The following AHSG variants were observed in gnomAD, a reference collection of about 807,000 sequenced individuals.
The protein encoded by AHSG is alpha 2-HS glycoprotein.
A neutral mutation model predicts 30.1 loss-of-function variants in AHSG; 23 were observed. The observed-to-expected ratio is 0.76, with a 90% confidence interval of 0.55 to 1.08. The LOEUF (loss-of-function observed/expected upper bound fraction) is 1.08, where lower values mean the gene tolerates loss of function less well. Ranked by LOEUF, AHSG falls within the 50% of genes least tolerant of loss-of-function variation. The pLI is 0.00. For missense variants in AHSG, 469 were observed against 459.5 expected, an observed-to-expected ratio of 1.02 and a Z score of -0.19; for synonymous variants, 164 against 186.3, an observed-to-expected ratio of 0.88 and a Z score of 0.98.
chr3:186,619,299 G>GA (rs1307649296), intron 5 of AHSG, among the ~76,000 whole-genome samples: 1 of 151,164 alleles, frequency 6.6e-6, no homozygotes, highest in Non-Finnish European at 1.5e-5. Flanking sequence ...TCTGTCTCAA[G>GA]AAAAAAAGAA....
rs753599978 is a variant in AHSG at position 186,615,769 on chromosome 3, T to C, written c.298T>C (p.Cys100Arg). The part of the protein sequence containing the change: ...HVLDPTPVAR[C>R]SVRQLKEHAV... ...GCTGGACCCCACCCCTGTGGCAAGA[T>C]GCAGCGTGAGGCAGCTGAAGGAGCA... The change falls in exon 2 of 7, where the codon TGC becomes CGC. Residue 100 changes from cysteine to arginine, a missense_variant. Transcript: ENST00000411641. 3.1e-6 allele frequency: 5 copies of C among 1,614,266 alleles called. No homozygotes were observed. The highest frequency in any genetic ancestry group is 1.1e-5 in the South Asian group (1 of 91,092).
chr3:186,620,574 TC>T lies in AHSG; in HGVS notation c.760-10del. 1 of 1,579,942 alleles carries T rather than the reference TC, an allele frequency of 6.3e-7. No individual in the cohort carries two copies. On this transcript the variant is annotated splice_polypyrimidine_tract_variant and intron_variant, in intron 6 of 6. Coordinates refer to ENST00000411641, the MANE Select transcript of AHSG (RefSeq NM_001622.4). ...GAAGCAAACTAACTGAAGGAAATGG[TC>T]CTTTTTCCAGCCCGTGAGCTCACAG... is the stretch of plus-strand genomic sequence containing the variant.
intron 5 of AHSG, 131 bp from the exon 6 acceptor site, chr3:186,619,726 C>G: frequency 1.6e-6 from 1 of 641,548 alleles, no homozygotes; most frequent in South Asian, 2.1e-5. Context: ...AATCATATAC[C>G]TCCCACAAGC....
At chr3:186,613,496 G>A (rs1190719494) in intron 1 of AHSG, 142 bp downstream of exon 1, 10 of 805,686 alleles carry the variant, frequency 1.2e-5, no homozygotes, top group Non-Finnish European at 1.9e-5. Flanking sequence ...GAGGGAAGGG[G>A]CAGGCAGAGG....
At position 186,618,608 on chromosome 3, in the gene AHSG, G is replaced by A. The variant is rs745891423; in HGVS notation, c.646G>A (p.Ala216Thr). Residue 216 changes from alanine (A) to threonine (T), a missense_variant, in exon 5 of 7, where the codon GCA (alanine) becomes ACA (threonine). Coordinates refer to ENST00000411641, the MANE Select transcript of AHSG (RefSeq NM_001622.4). Reference protein sequence around the residue: ...TDCVAKEATEAAKCNLLAEKQ... With the variant: ...TDCVAKEATETAKCNLLAEKQ... ...CTGTGTTGCTAAAGAGGCCACAGAG[G>A]CAGCCAAGTGTAACCTGCTGGCAGA... 1.9e-6 allele frequency: 3 copies of A among 1,614,138 alleles called. No homozygotes were observed. The South Asian group carries it at 3.3e-5, about 18-fold the overall frequency.
Position 186,620,803 on chromosome 3 carries a change from T to G in AHSG, c.977T>G (p.Leu326Trp). Reference sequence around the variant, plus strand: ...CACACCTTCATGGGTGTGGTCTCATTGGGGTCACCCTCAGGAGAAGTGTCG... The same window carrying G: ...CACACCTTCATGGGTGTGGTCTCATGGGGGTCACCCTCAGGAGAAGTGTCG... The part of the protein sequence containing the change: ...LRHTFMGVVS[L>W]GSPSGEVSHP... The change falls in exon 7 of 7, where the codon TTG becomes TGG. Residue 326 changes from leucine (L) to tryptophan (W), a missense_variant. Physicochemically the swap from Leu to Trp is moderately conservative, Grantham distance 61. Transcript: ENST00000411641. 1 of 1,614,152 alleles carries G rather than the reference T, an allele frequency of 6.2e-7. No homozygotes were observed.
rs773162375 is a variant in AHSG, at chr3:186,616,513, G to A, written c.395G>A (p.Cys132Tyr). The A allele has an allele frequency of 1.4e-5, 22 of 1,611,406 alleles. No homozygotes were observed. In the South Asian group the frequency reaches 2.4e-4, roughly 18 times the overall value. Residue 132 changes from cysteine to tyrosine, a missense_variant, in exon 3 of 7, where the codon TGT becomes TAT. Physicochemically the swap from Cys to Tyr is radical, Grantham distance 194 (BLOSUM62 -2). Coordinates refer to ENST00000411641, the MANE Select transcript of AHSG (RefSeq NM_001622.4). The part of the protein sequence containing the change: ...DGKFSVVYAK[C>Y]DSSPDSAEDV... The stretch of plus-strand genomic sequence containing the variant: ...AAGTTTTCCGTGGTATACGCAAAAT[G>A]TGATTCCAGTCCAGGTACAGATGAC...
chr3:186,619,485 A>G (rs973890500), intron 5 of AHSG, among the ~76,000 whole-genome samples: 4 of 152,236 alleles, frequency 2.6e-5, no homozygotes, highest in Admixed American at 6.5e-5. Flanking sequence ...TGTGTTTTCA[A>G]GGAATAATGA....
At chr3:186,618,262 C>A (rs1487528530) in intron 4 of AHSG, among the ~76,000 whole-genome samples, 1 of 152,178 alleles carries the variant, frequency 6.6e-6, no homozygotes, top group African/African-American at 2.4e-5. Flanking sequence ...TTCCGGTTTC[C>A]TATCTGCAAA....
In AHSG at chr3:186,619,854, C is replaced by T. The variant is rs113984135; in HGVS notation, c.676-3C>T. 163 of 1,607,748 alleles carry T rather than the reference C, an allele frequency of 1.0e-4. No homozygotes were observed. The highest frequency in any genetic ancestry group is 1.0e-3 in the Middle Eastern group (6 of 6,010). On this transcript the variant is annotated splice_region_variant and splice_polypyrimidine_tract_variant and intron_variant, in intron 5 of 6. Coordinates refer to ENST00000411641, the MANE Select transcript of AHSG (RefSeq NM_001622.4). ...AAAATAAATCCTCTTTCTCTGTGGG[C>T]AGCAATATGGCTTTTGTAAGGCAAC... is the stretch of plus-strand genomic sequence containing the variant.
intron 2 of AHSG, 45 bp downstream of exon 2, chr3:186,615,840 C>A: frequency 6.5e-7 from 1 of 1,532,574 alleles, no homozygotes; most frequent in South Asian, 1.1e-5. Context: ...CTTCGGCCAG[C>A]TCCACCGATT....
At chr3:186,617,967 C>A in intron 4 of AHSG, 1 of 158,858 alleles carries the variant, frequency 6.3e-6, no homozygotes, top group Non-Finnish European at 1.4e-5. Context: ...ATATGTGATT[C>A]TCAGAACATC....
Position 186,620,080 on chromosome 3 carries a change from C to T in AHSG, c.759+140C>T, listed in dbSNP as rs1049461930. ...CAGTATGAAATAACACTGGGGTATG[C>T]GGAATCATCAACAAATGGAAGGATA... is the stretch of plus-strand genomic sequence containing the variant. On this transcript the variant is annotated intron_variant, in intron 6 of 6. Transcript: ENST00000411641. The T allele has an allele frequency of 3.8e-4, 218 of 568,456 alleles. 2 individuals are homozygous for T. Among genetic ancestry groups the T allele is most frequent in the Middle Eastern group, 5.4e-4 (2 of 3,726 alleles). The allele number at this position is 568,456 out of a possible 1,614,324, so 35.2% of individuals were successfully genotyped here. A position where few individuals can be genotyped will look rare whatever the true frequency, so the allele number is the denominator to read the frequency against.
chr3:186,618,204 G>T (rs1343233866), intron 4 of AHSG, among the ~76,000 whole-genome samples: 1 of 152,104 alleles, frequency 6.6e-6, no homozygotes, highest in Non-Finnish European at 1.5e-5. Context: ...GTGAGGGCTG[G>T]GGGGAGGCAG....
At position 186,613,140 on chromosome 3, in the gene AHSG, C is replaced by T. The variant is rs1468745481; in HGVS notation, c.-2C>T. The T allele has an allele frequency of 6.2e-7, 1 of 1,614,028 alleles. No individual in the cohort carries two copies. Among genetic ancestry groups the T allele is most frequent in the East Asian group, 2.2e-5 (1 of 44,878 alleles). On this transcript the variant is annotated 5_prime_UTR_variant, in exon 1 of 7. Coordinates refer to ENST00000411641, the MANE Select transcript of AHSG (RefSeq NM_001622.4). ...GCCTGCCAGGGCCTCTCTGGGGCAG[C>T]CATGAAGTCCCTCGTCCTGCTCCTT... is the stretch of plus-strand genomic sequence containing the variant.
rs1349924301 is a variant in AHSG at position 186,615,731 on chromosome 3, C to T, written c.260C>T (p.Thr87Ile). The T allele has an allele frequency of 1.9e-6, 3 of 1,614,250 alleles. No homozygotes were observed. Among genetic ancestry groups the T allele is most frequent in the South Asian group, 1.1e-5 (1 of 91,088 alleles). ...LFEIEIDTLE[T>I]TCHVLDPTPV... ...GAGATTGAAATAGACACCCTGGAAACCACCTGCCATGTGCTGGACCCCACC... is the reference window on the plus strand; with the variant it reads ...GAGATTGAAATAGACACCCTGGAAATCACCTGCCATGTGCTGGACCCCACC... The change falls in exon 2 of 7, where the codon ACC (threonine) becomes ATC (isoleucine). Residue 87 changes from threonine to isoleucine, a missense_variant. By Grantham distance (89) the Thr-to-Ile change is moderately conservative. Coordinates refer to ENST00000411641, the MANE Select transcript of AHSG (RefSeq NM_001622.4).
Position 186,617,300 on chromosome 3 carries a change from A to G in AHSG, c.523A>G (p.Asn175Asp), listed in dbSNP as rs1244707129. Reference sequence around the variant, plus strand: ...TGCCCTGGCCGCCTTCAACGCTCAGAACAACGGCTCCAATTTTCAGCTGGA... The same window carrying G: ...TGCCCTGGCCGCCTTCAACGCTCAGGACAACGGCTCCAATTTTCAGCTGGA... ...KAALAAFNAQNNGSNFQLEEI... is the reference protein window; with the variant it reads ...KAALAAFNAQDNGSNFQLEEI... The change falls in exon 4 of 7, where the codon AAC (asparagine) becomes GAC (aspartate). Residue 175 changes from asparagine to aspartate, a missense_variant. Transcript: ENST00000411641. 6.2e-7 allele frequency: 1 copy of G among 1,614,210 alleles called. No homozygotes were observed. Among genetic ancestry groups the G allele is most frequent in the Non-Finnish European group, 8.5e-7 (1 of 1,180,032 alleles).
rs1034596554 is a variant in AHSG at position 186,615,776 on chromosome 3, T to C, written c.305T>C (p.Val102Ala). 4 of 1,614,104 alleles carry C rather than the reference T, an allele frequency of 2.5e-6. No individual in the cohort carries two copies. The highest frequency in any genetic ancestry group is 2.7e-5 in the African/African-American group (2 of 74,932). The stretch of plus-strand genomic sequence containing the variant: ...CCCACCCCTGTGGCAAGATGCAGCG[T>C]GAGGCAGCTGAAGGAGCATGTGAGT... ...LDPTPVARCS[V>A]RQLKEHAVEG... Residue 102 changes from valine (V) to alanine (A), a missense_variant, in exon 2 of 7, where the codon GTG becomes GCG. Val to Ala is a moderately conservative substitution (Grantham distance 64). Transcript: ENST00000411641.
intron 1 of AHSG, 24 bp from the exon 2 acceptor site, chr3:186,615,661 C>T (rs765384071): frequency 3.8e-6 from 6 of 1,599,840 alleles, no homozygotes; most frequent in African/African-American, 2.7e-5. Context: ...AGGTTGCTCA[C>T]GGCTTCACTC....
Sources: allele counts gnomAD v4.1 joint callset (sites outside exome capture counted in the v4.1 genomes callset), GRCh38; gene constraint gnomAD v4.1.1; transcripts MANE v1.5; gene names NCBI Gene and HGNC (gene_info 2026-07-23, HGNC 2026-07-21).